The following TMEM254 variants were observed in gnomAD, a reference collection of about 807,000 sequenced individuals.
The protein encoded by TMEM254 is transmembrane protein C10orf57.
TMEM254 carries 16 observed loss-of-function variants against 13.9 expected under a neutral mutation model. The observed-to-expected ratio is 1.15, with a 90% CI of 0.78 to 1.75. TMEM254 has a LOEUF of 1.75. Ranked by LOEUF, TMEM254 falls within the 40% of genes most tolerant of loss-of-function variation. The pLI, the probability that TMEM254 is intolerant of heterozygous loss-of-function variation, is 0.00. For synonymous variants in TMEM254, 61 were observed against 56.4 expected, an observed-to-expected ratio of 1.08 and a Z score of -0.36; for missense variants, 155 against 149.0, an observed-to-expected ratio of 1.04 and a Z score of -0.21.
At chr10:80,082,547 C>T (rs1332002110) in intron 3 of TMEM254, among the ~76,000 whole-genome samples, 3 of 152,124 alleles carry the variant, frequency 2.0e-5, no homozygotes, top group Admixed American at 1.3e-4. Context: ...TGACCTAGGC[C>T]GATGACTCAC....
chr10:80,081,866 T>G lies in TMEM254; in HGVS notation c.113T>G (p.Ile38Ser). Reference sequence around the variant, plus strand: ...TGGGTTGTCTTCTGGCCTCAGAGTATCCCTTATCAGAACCTTGGGCCCCTG... The same window carrying G: ...TGGGTTGTCTTCTGGCCTCAGAGTAGCCCTTATCAGAACCTTGGGCCCCTG... Reference protein sequence around the residue: ...YTWVVFWPQSIPYQNLGPLGP... With the variant: ...YTWVVFWPQSSPYQNLGPLGP... Residue 38 changes from isoleucine to serine, a missense_variant, in exon 2 of 4, where the codon ATC (isoleucine) becomes AGC (serine). Transcript: ENST00000372281. 6.2e-7 allele frequency: 1 copy of G among 1,614,228 alleles called. No individual in the cohort carries two copies.
At chr10:80,079,910 A>G (rs1275531037) in intron 1 of TMEM254, among the ~76,000 whole-genome samples, 5 of 152,222 alleles carry the variant, frequency 3.3e-5, no homozygotes, top group Non-Finnish European at 4.4e-5. Context: ...GCTGGCCTCG[A>G]ACTCCTAACG....
At chr10:80,087,993 C>A (rs1378436849) in intron 3 of TMEM254, among the ~76,000 whole-genome samples, 1 of 152,024 alleles carries the variant, frequency 6.6e-6, no homozygotes. Context: ...ACAGTATCTT[C>A]TAACAGTTTT....
intron 3 of TMEM254, among the ~76,000 whole-genome samples, chr10:80,085,357 C>G (rs556841615): frequency 2.0e-5 from 3 of 151,342 alleles, no homozygotes; most frequent in Non-Finnish European, 2.9e-5. Flanking sequence ...GTCAGGAGTT[C>G]GAGACCAGCG....
intron 3 of TMEM254, among the ~76,000 whole-genome samples, chr10:80,085,406 T>C (rs1394526348): frequency 1.3e-5 from 2 of 150,816 alleles, no homozygotes; most frequent in Non-Finnish European, 3.0e-5. Flanking sequence ...ACTAAAAATA[T>C]GAAAAAAAAA....
intron 1 of TMEM254, 122 bp from the exon 2 acceptor site, chr10:80,081,719 G>A: frequency 6.2e-7 from 1 of 1,607,914 alleles, no homozygotes; most frequent in South Asian, 1.1e-5. Flanking sequence ...CCAAATGACT[G>A]TTCAGAGTTT....
intron 1 of TMEM254, among the ~76,000 whole-genome samples, chr10:80,080,453 C>T (rs1047774394): frequency 3.3e-5 from 5 of 152,154 alleles, no homozygotes; most frequent in African/African-American, 1.2e-4. Context: ...AACCTTATCT[C>T]ACTTATTTTC....
At chr10:80,086,898 T>TTA (rs960291757) in intron 3 of TMEM254, among the ~76,000 whole-genome samples, 23 of 151,966 alleles carry the variant, frequency 1.5e-4, no homozygotes, top group African/African-American at 4.3e-4. Flanking sequence ...TATAATCCAA[T>TTA]TATATATATA....
chr10:80,080,356 C>A (rs1843927823), intron 1 of TMEM254, among the ~76,000 whole-genome samples: 1 of 152,168 alleles, frequency 6.6e-6, no homozygotes, highest in Non-Finnish European at 1.5e-5. Flanking sequence ...TCAGAAAAGT[C>A]TTAGCTGACA....
At chr10:80,082,345 C>A in intron 3 of TMEM254, 141 bp downstream of exon 3, 1 of 907,380 alleles carries the variant, frequency 1.1e-6, no homozygotes, top group Non-Finnish European at 1.7e-6. Context: ...TGATACTGAG[C>A]CTGGAGCAGA....
intron 3 of TMEM254, among the ~76,000 whole-genome samples, chr10:80,088,891 C>T (rs1238198989): frequency 6.6e-6 from 1 of 151,868 alleles, no homozygotes; most frequent in African/African-American, 2.4e-5. Context: ...AGCCACCACA[C>T]CTGGCCAACT....
chr10:80,088,174 T>C (rs1009722932), intron 3 of TMEM254, among the ~76,000 whole-genome samples: 2 of 152,078 alleles, frequency 1.3e-5, no homozygotes, highest in Non-Finnish European at 2.9e-5. Context: ...TGTGGATCTA[T>C]TTCTGAACAC....
chr10:80,080,391 GTT>G (rs1382711087), intron 1 of TMEM254, among the ~76,000 whole-genome samples: 7 of 152,324 alleles, frequency 4.6e-5, no homozygotes, highest in Middle Eastern at 3.4e-3. Context: ...GAGGCTGAAA[GTT>G]AAGATTACGA....
chr10:80,078,967 C>G (rs2132258635), intron 1 of TMEM254, 181 bp downstream of exon 1: 1 of 1,537,140 alleles, frequency 6.5e-7, no homozygotes, highest in East Asian at 2.5e-5. Context: ...TACTGGTCCG[C>G]CAGGGTCTTG....
chr10:80,086,622 C>G (rs1358912577), intron 3 of TMEM254, among the ~76,000 whole-genome samples: 1 of 152,006 alleles, frequency 6.6e-6, no homozygotes, highest in Non-Finnish European at 1.5e-5. Flanking sequence ...GCGGACGGAT[C>G]ACCAGGTAAG....
At chr10:80,079,075 T>G (rs1843805559) in intron 1 of TMEM254, 1 of 1,440,590 alleles carries the variant, frequency 6.9e-7, no homozygotes, top group Non-Finnish European at 9.3e-7. Flanking sequence ...GTGTCTGGGT[T>G]TTTCAAGAGG....
chr10:80,089,691 A>G (rs576375429), intron 3 of TMEM254, among the ~76,000 whole-genome samples: 9 of 151,850 alleles, frequency 5.9e-5, no homozygotes, highest in Non-Finnish European at 1.2e-4. Flanking sequence ...GGGGGTTGGA[A>G]AAAGAATGGA....
chr10:80,079,248 G>T (rs1383956376), intron 1 of TMEM254: 1 of 1,241,374 alleles, frequency 8.1e-7, no homozygotes, highest in African/African-American at 1.6e-5. Context: ...GTAGGGCGAG[G>T]GGAGCTCTGG....
At chr10:80,089,726 G>A (rs1041489231) in intron 3 of TMEM254, among the ~76,000 whole-genome samples, 13 of 151,910 alleles carry the variant, frequency 8.6e-5, no homozygotes, top group Admixed American at 3.9e-4. Context: ...AAATGCAGCC[G>A]GGCGTGGTGG....
Sources: allele counts gnomAD v4.1 joint callset (sites outside exome capture counted in the v4.1 genomes callset), GRCh38; gene constraint gnomAD v4.1.1; transcripts MANE v1.5; gene names NCBI Gene and HGNC (gene_info 2026-07-23, HGNC 2026-07-21).